PTPRD: variants seen among roughly 807,000 people sequenced by gnomAD.
The protein encoded by PTPRD is protein tyrosine phosphatase receptor type D.
Under a neutral mutation model 214.5 loss-of-function variants are expected in PTPRD, and 34 were observed. The ratio of observed to expected loss-of-function variants is 0.16; its 90% CI spans 0.12 to 0.21. The LOEUF is 0.21. PTPRD is among the 10% of genes least tolerant of loss of function. PTPRD has a pLI of 1.00. For missense variants in PTPRD, 2,545 were observed against 2,398.7 expected (o/e 1.06, Z -1.27); for synonymous variants, 1,128 against 845.7 (o/e 1.33, Z -5.79).
chr9:9,665,899 T>TTA (rs1466769469), intron 7 of PTPRD, among the ~76,000 whole-genome samples: 4 of 151,922 alleles, frequency 2.6e-5, no homozygotes, highest in African/African-American at 9.7e-5. Flanking sequence ...TTTCAAATGT[T>TTA]TATTTTTTAC....
chr9:10,450,822 T>A (rs990046936), intron 2 of PTPRD, among the ~76,000 whole-genome samples: 3 of 151,920 alleles, frequency 2.0e-5, no homozygotes, highest in Non-Finnish European at 4.4e-5. Flanking sequence ...TCTTAAAAAA[T>A]TGTTGGCTGT....
intron 11 of PTPRD, chr9:8,860,164 T>G (rs1165177883): frequency 1.3e-5 from 2 of 152,238 alleles, no homozygotes; most frequent in African/African-American, 4.8e-5. Flanking sequence ...TTAAAACCCC[T>G]AATATTCCTT....
rs923146244 is a variant in PTPRD at position 10,006,652 on chromosome 9, C to T, written c.-472+27066G>A. Reference sequence around the variant, plus strand: ...CCCTATGTCAGGTATTATTTAGTTCCCTTTACATTGGACGAATAATCAGAG... The same window carrying T: ...CCCTATGTCAGGTATTATTTAGTTCTCTTTACATTGGACGAATAATCAGAG... On this transcript the variant is annotated intron_variant, in intron 4 of 45. Coordinates refer to ENST00000381196, the MANE Select transcript of PTPRD (RefSeq NM_002839.4). 3.3e-5 allele frequency among the ~76,000 whole-genome samples: 5 copies of T among 151,834 alleles called. No individual in the cohort carries two copies. The South Asian group carries it at 1.0e-3, about 32-fold the overall frequency.
intron 5 of PTPRD, among the ~76,000 whole-genome samples, chr9:9,838,398 G>C (rs1290428342): frequency 3.3e-5 from 5 of 152,028 alleles, no homozygotes; most frequent in Non-Finnish European, 7.4e-5. Flanking sequence ...GTGTAAAAGT[G>C]TTCCTATTTC....
At chr9:9,659,583 T>C (rs561200025) in intron 7 of PTPRD, among the ~76,000 whole-genome samples, 13 of 152,018 alleles carry the variant, frequency 8.6e-5, no homozygotes, top group African/African-American at 2.9e-4. Context: ...ACAGAACCAT[T>C]TGGAATAGTT....
intron 9 of PTPRD, among the ~76,000 whole-genome samples, chr9:9,233,648 G>A (rs866749267): frequency 1.3e-5 from 2 of 152,150 alleles, no homozygotes; most frequent in African/African-American, 4.8e-5. Flanking sequence ...TACAATTAGG[G>A]TACATGCATT....
intron 23 of PTPRD, among the ~76,000 whole-genome samples, chr9:8,501,894 A>T (rs1233000830): frequency 6.6e-6 from 1 of 152,338 alleles, no homozygotes; most frequent in East Asian, 1.9e-4. Context: ...CACCAGCAAA[A>T]TTTGGTAAAA....
chr9:9,074,367 T>C (rs968922443), intron 10 of PTPRD, among the ~76,000 whole-genome samples: 1 of 152,098 alleles, frequency 6.6e-6, no homozygotes, highest in Non-Finnish European at 1.5e-5. Flanking sequence ...GAAAATGCTT[T>C]AGGATTGATT....
intron 11 of PTPRD, among the ~76,000 whole-genome samples, chr9:8,786,240 T>C (rs1390019367): frequency 6.6e-6 from 1 of 152,124 alleles, no homozygotes; most frequent in Admixed American, 6.6e-5. Context: ...ATGAGTTTCA[T>C]TTTGTTAAAC....
chr9:8,644,128 G>C (rs1040227737), intron 12 of PTPRD, among the ~76,000 whole-genome samples: 9 of 152,198 alleles, frequency 5.9e-5, no homozygotes, highest in Non-Finnish European at 1.0e-4. Flanking sequence ...TCTGTTGTTA[G>C]CTGAACACCT....
At chr9:9,692,203 A>T (rs56750932) in intron 7 of PTPRD, among the ~76,000 whole-genome samples, 1,822 of 151,376 alleles carry the variant, frequency 0.012, 44 homozygotes, top group African/African-American at 0.042. Flanking sequence ...TTTGCCCAGA[A>T]CAATGTGCTG....
chr9:10,027,565 C>T (rs1429152345), intron 4 of PTPRD, among the ~76,000 whole-genome samples: 1 of 152,142 alleles, frequency 6.6e-6, no homozygotes, highest in Non-Finnish European at 1.5e-5. Flanking sequence ...GAAGAATATA[C>T]ATGTTCAGTC....
chr9:9,051,864 A>G (rs1383020310), intron 10 of PTPRD, among the ~76,000 whole-genome samples: 2 of 152,184 alleles, frequency 1.3e-5, no homozygotes, highest in Non-Finnish European at 2.9e-5. Flanking sequence ...TCAAAATTCT[A>G]TATTCCTAGT....
At chr9:9,223,970 T>G (rs890074089) in intron 9 of PTPRD, among the ~76,000 whole-genome samples, 1 of 152,056 alleles carries the variant, frequency 6.6e-6, no homozygotes, top group Non-Finnish European at 1.5e-5. Context: ...AAAAAGGATA[T>G]AGAACTAAGT....
intron 2 of PTPRD, among the ~76,000 whole-genome samples, chr9:10,555,934 A>G (rs553692880): frequency 5.3e-5 from 8 of 152,302 alleles, no homozygotes; most frequent in African/African-American, 1.9e-4. Flanking sequence ...GAGAATAGAG[A>G]AAATACAGGG....
intron 3 of PTPRD, among the ~76,000 whole-genome samples, chr9:10,104,407 A>G (rs2154218092): frequency 1.3e-5 from 2 of 151,894 alleles, no homozygotes; most frequent in Admixed American, 1.3e-4. Flanking sequence ...AACTTCCTAT[A>G]TACACGAACA....
At chr9:10,269,277 G>C (rs914208128) in intron 3 of PTPRD, among the ~76,000 whole-genome samples, 1 of 152,204 alleles carries the variant, frequency 6.6e-6, no homozygotes, top group Non-Finnish European at 1.5e-5. Context: ...ATCCACGTAA[G>C]AGGACAAGCA....
intron 7 of PTPRD, among the ~76,000 whole-genome samples, chr9:9,628,684 T>G (rs1409413002): frequency 6.6e-6 from 1 of 152,096 alleles, no homozygotes; most frequent in Non-Finnish European, 1.5e-5. Context: ...CCAACCTCCT[T>G]CTTAGTAATC....
chr9:8,544,357 C>T (rs1267949666), intron 14 of PTPRD, among the ~76,000 whole-genome samples: 1 of 151,272 alleles, frequency 6.6e-6, no homozygotes, highest in Non-Finnish European at 1.5e-5. Context: ...GCTGGGATTA[C>T]AGGCATGAGC....
Sources: gnomAD v4.1 joint callset for allele counts (sites outside exome capture counted in the v4.1 genomes callset) on GRCh38, gnomAD v4.1.1 for gene constraint, MANE v1.5 for transcripts, NCBI Gene and HGNC (gene_info 2026-07-23, HGNC 2026-07-21) for gene names.